Variants in ARHGAP26 observed in about 807,000 individuals in gnomAD.
The protein encoded by ARHGAP26 is rho GTPase-activating protein 26.
ARHGAP26 carries 38 observed loss-of-function variants against 104.8 expected under a neutral mutation model. The ratio of observed to expected loss-of-function variants is 0.36; its 90% CI spans 0.28 to 0.48. ARHGAP26 has a LOEUF of 0.48. Ranked by LOEUF, ARHGAP26 falls within the 20% of genes least tolerant of loss-of-function variation. ARHGAP26 has a pLI of 0.99. For synonymous variants in ARHGAP26, 341 were observed against 340.0 expected (o/e 1.00, Z -0.03); for missense variants, 704 against 947.9 (o/e 0.74, Z 3.38).
chr5:143,218,640 C>G (rs1035642656), intron 22 of ARHGAP26, among the ~76,000 whole-genome samples: 2 of 152,184 alleles, frequency 1.3e-5, no homozygotes, highest in African/African-American at 4.8e-5. Flanking sequence ...AGGAAGCTCA[C>G]CCATGTCCCC....
rs938918663 is a variant in ARHGAP26 at position 142,912,050 on chromosome 5, C to A, written c.934-1149C>A. 2.0e-5 allele frequency among the ~76,000 whole-genome samples: 3 copies of A among 152,242 alleles called. No individual in the cohort carries two copies. In the East Asian group the frequency reaches 5.8e-4, roughly 29 times the overall value. On this transcript the variant is annotated intron_variant, in intron 9 of 22. Transcript: ENST00000645722. ...CAAACTGGGCAAGCTTGCTAATTTC[C>A]CCTGTTAGTTTAGATAAAAAAGATT...
chr5:142,976,049 C>CT (rs760981097), intron 11 of ARHGAP26, among the ~76,000 whole-genome samples: 32 of 152,164 alleles, frequency 2.1e-4, no homozygotes, highest in Non-Finnish European at 4.1e-4. Flanking sequence ...ATATGCCCGG[C>CT]TTAAGGGCTT....
intron 17 of ARHGAP26, among the ~76,000 whole-genome samples, chr5:143,082,009 CAAAAAAAAAAA>C (rs71576162): frequency 3.7e-4 from 14 of 38,276 alleles, no homozygotes; most frequent in Admixed American, 2.6e-3. Flanking sequence ...GACTCCATCT[CAAAAAAAAAAA>C]AAAAAAAAAA....
At chr5:142,855,521 G>T (rs1205720508) in intron 1 of ARHGAP26, among the ~76,000 whole-genome samples, 2 of 152,170 alleles carry the variant, frequency 1.3e-5, no homozygotes, top group African/African-American at 2.4e-5. Context: ...TTGACTGCCT[G>T]TTATGCACTA....
intron 20 of ARHGAP26, among the ~76,000 whole-genome samples, chr5:143,149,710 T>C (rs988329887): frequency 3.9e-5 from 6 of 152,192 alleles, no homozygotes; most frequent in Admixed American, 3.9e-4. Flanking sequence ...TCCATCGTTG[T>C]TGAGTTGGAA....
chr5:143,006,438 C>T (rs1404787563), intron 11 of ARHGAP26, among the ~76,000 whole-genome samples: 2 of 150,620 alleles, frequency 1.3e-5, no homozygotes, highest in Non-Finnish European at 2.9e-5. Flanking sequence ...TATAATTCTA[C>T]AGGGTAAGAG....
intron 14 of ARHGAP26, among the ~76,000 whole-genome samples, chr5:143,053,697 T>C (rs1432144322): frequency 6.6e-6 from 1 of 152,230 alleles, no homozygotes; most frequent in African/African-American, 2.4e-5. Context: ...GTGGTTCTCA[T>C]TGCACATTTG....
At chr5:143,013,491 C>T (rs1321013515) in intron 11 of ARHGAP26, among the ~76,000 whole-genome samples, 1 of 152,074 alleles carries the variant, frequency 6.6e-6, no homozygotes, top group African/African-American at 2.4e-5. Context: ...AATATATATT[C>T]TCCTTATAAC....
chr5:142,885,515 AG>A, intron 5 of ARHGAP26, 116 bp downstream of exon 5: 1 of 827,700 alleles, frequency 1.2e-6, no homozygotes, highest in South Asian at 1.7e-5. Context: ...CTGGGAAGCC[AG>A]GAGATTGCTC....
At chr5:143,026,173 T>G (rs1426340411) in intron 12 of ARHGAP26, among the ~76,000 whole-genome samples, 1 of 152,196 alleles carries the variant, frequency 6.6e-6, no homozygotes. Context: ...TGGAGACTTT[T>G]GGCCTGTCGG....
intron 1 of ARHGAP26, among the ~76,000 whole-genome samples, chr5:142,795,817 C>T (rs187805422): frequency 5.6e-4 from 85 of 152,182 alleles, no homozygotes; most frequent in African/African-American, 2.0e-3. Context: ...GAATCTCAGC[C>T]CTATTACCTA....
intron 1 of ARHGAP26, among the ~76,000 whole-genome samples, chr5:142,841,691 T>C (rs1243403737): frequency 6.6e-6 from 1 of 152,210 alleles, no homozygotes; most frequent in African/African-American, 2.4e-5. Flanking sequence ...TCATCTTGGC[T>C]CCTGCTTTTG....
At chr5:142,898,209 C>T (rs890507489) in intron 6 of ARHGAP26, among the ~76,000 whole-genome samples, 4 of 151,752 alleles carry the variant, frequency 2.6e-5, no homozygotes, top group African/African-American at 9.7e-5. Flanking sequence ...CACACACATA[C>T]ATATACATAT....
intron 4 of ARHGAP26, among the ~76,000 whole-genome samples, chr5:142,880,633 C>T (rs1338846193): frequency 6.6e-6 from 1 of 152,130 alleles, no homozygotes; most frequent in African/African-American, 2.4e-5. Context: ...AGATTTCCAA[C>T]GTTTTCTTCC....
At chr5:142,979,452 A>C (rs1331246359) in intron 11 of ARHGAP26, among the ~76,000 whole-genome samples, 1 of 152,194 alleles carries the variant, frequency 6.6e-6, no homozygotes, top group Non-Finnish European at 1.5e-5. Context: ...AACCCTGTGC[A>C]TCCAGAGACT....
chr5:142,915,863 C>A lies in ARHGAP26; in HGVS notation c.1028+2570C>A, dbSNP rs1358596152. On this transcript the variant is annotated intron_variant, in intron 10 of 22. Coordinates refer to ENST00000645722, the MANE Select transcript of ARHGAP26 (RefSeq NM_001135608.3). ...TAGAGAAGGAAAAGGCATTTTCATG[C>A]GCTGGGTAGCTGCATCCCTGGGAAC... Among the ~76,000 whole-genome samples, 3 of 152,222 alleles carry A rather than the reference C, an allele frequency of 2.0e-5. No individual in the cohort carries two copies. In the East Asian group the frequency reaches 5.8e-4, roughly 29 times the overall value.
At chr5:143,089,796 T>C (rs1485082013) in intron 17 of ARHGAP26, among the ~76,000 whole-genome samples, 2 of 152,246 alleles carry the variant, frequency 1.3e-5, no homozygotes, top group African/African-American at 4.8e-5. Context: ...GTATTCCCCA[T>C]GGGACTCTAA....
chr5:143,026,251 T>G (rs1270296701), intron 12 of ARHGAP26, among the ~76,000 whole-genome samples: 2 of 152,200 alleles, frequency 1.3e-5, no homozygotes, highest in African/African-American at 4.8e-5. Flanking sequence ...TTATTGAGAT[T>G]AGTCATGAAC....
At chr5:142,910,707 C>A (rs530242627) in intron 9 of ARHGAP26, among the ~76,000 whole-genome samples, 1 of 152,152 alleles carries the variant, frequency 6.6e-6, no homozygotes, top group Non-Finnish European at 1.5e-5. Context: ...CCATTGCATT[C>A]CAGCCTGGGC....
Sources: allele counts gnomAD v4.1 joint callset (sites outside exome capture counted in the v4.1 genomes callset), GRCh38; gene constraint gnomAD v4.1.1; transcripts MANE v1.5; gene names NCBI Gene and HGNC (gene_info 2026-07-23, HGNC 2026-07-21).